Variants in DPP6 observed in about 807,000 individuals in gnomAD.
The protein encoded by DPP6 is A-type potassium channel modulatory protein DPP6.
In DPP6, 69 loss-of-function variants were observed where a neutral mutation model predicts 122.6. That is an observed-to-expected ratio of 0.56 (90% CI 0.46 to 0.69). The LOEUF is 0.69. Among genes scored for constraint, DPP6 ranks in the 30% least tolerant of loss-of-function variants. The pLI, the probability that DPP6 is intolerant of heterozygous loss-of-function variation, is 0.00. For synonymous variants in DPP6, 418 were observed against 433.1 expected, an observed-to-expected ratio of 0.97 and a Z score of 0.43; for missense variants, 928 against 1,116.9, an observed-to-expected ratio of 0.83 and a Z score of 2.41.
intron 1 of DPP6, among the ~76,000 whole-genome samples, chr7:154,232,697 G>A (rs563891870): frequency 6.6e-6 from 1 of 152,224 alleles, no homozygotes; most frequent in South Asian, 2.1e-4. Context: ...GTCCTGCCAG[G>A]CATTTAATGG....
chr7:154,516,992 A>C (rs1170714942), intron 3 of DPP6, among the ~76,000 whole-genome samples: 3 of 152,168 alleles, frequency 2.0e-5, no homozygotes, highest in Non-Finnish European at 4.4e-5. Flanking sequence ...TTATTTTGAA[A>C]TCCTCATTAT....
intron 1 of DPP6, among the ~76,000 whole-genome samples, chr7:154,429,377 C>A (rs986571364): frequency 2.6e-5 from 4 of 152,136 alleles, no homozygotes; most frequent in Non-Finnish European, 5.9e-5. Flanking sequence ...TCTGCCAAGT[C>A]CCAGCCTTTC....
chr7:153,837,677 G>GTAGTTTT, the DPP6 span, among the ~76,000 whole-genome samples: 272 of 151,822 alleles, frequency 1.8e-3, 2 homozygotes, highest in East Asian at 0.032. Flanking sequence ...CCAGATCTTT[G>GTAGTTTT]TAGTTTTTTC....
the DPP6 span, among the ~76,000 whole-genome samples, chr7:153,869,121 A>T: frequency 5.4e-4 from 79 of 145,524 alleles, no homozygotes; most frequent in South Asian, 2.9e-3. Context: ...AAAAGAATGT[A>T]TATTCTGTTG....
chr7:154,672,111 C>G (rs1165442976), intron 7 of DPP6, among the ~76,000 whole-genome samples: 1 of 152,102 alleles, frequency 6.6e-6, no homozygotes, highest in Non-Finnish European at 1.5e-5. Flanking sequence ...CCCCCATGCT[C>G]TTCTAGTGAT....
the DPP6 span, among the ~76,000 whole-genome samples, chr7:153,810,466 G>C: frequency 6.6e-6 from 1 of 152,222 alleles, no homozygotes; most frequent in Admixed American, 6.5e-5. Flanking sequence ...GATGACATTG[G>C]TGTAAGAGGC....
chr7:154,464,188 G>C (rs374215748), intron 2 of DPP6, among the ~76,000 whole-genome samples: 1 of 152,174 alleles, frequency 6.6e-6, no homozygotes, highest in African/African-American at 2.4e-5. Context: ...TGCTCCGTCC[G>C]TGGGAATTGA....
chr7:154,050,272 TA>T (rs776626059), upstream of DPP6, among the ~76,000 whole-genome samples: 4 of 152,210 alleles, frequency 2.6e-5, no homozygotes, highest in Non-Finnish European at 5.9e-5. Context: ...AGATTACAGT[TA>T]CCTACAATGC....
At chr7:153,836,491 A>G in the DPP6 span, among the ~76,000 whole-genome samples, 16 of 152,228 alleles carry the variant, frequency 1.1e-4, no homozygotes, top group African/African-American at 2.9e-4. Context: ...TCCATAAAGG[A>G]CATTATATAA....
At chr7:154,722,748 T>G (rs192711907) in intron 7 of DPP6, among the ~76,000 whole-genome samples, 52 of 152,132 alleles carry the variant, frequency 3.4e-4, no homozygotes, top group African/African-American at 1.2e-3. Flanking sequence ...GTAGGGAGGC[T>G]TCAAGTCCCT....
At chr7:154,216,035 T>C (rs1047625860) in intron 1 of DPP6, among the ~76,000 whole-genome samples, 1 of 152,130 alleles carries the variant, frequency 6.6e-6, no homozygotes, top group African/African-American at 2.4e-5. Flanking sequence ...TCTTTTTCCC[T>C]TCCTCTGCCA....
At position 154,486,558 on chromosome 7, in the gene DPP6, A is replaced by C. The variant is rs1823816090; in HGVS notation, c.457+11521A>C. Among the ~76,000 whole-genome samples the C allele has an allele frequency of 6.6e-6, 1 of 152,172 alleles. No individual in the cohort carries two copies. The highest frequency in any genetic ancestry group is 1.9e-4 in the East Asian group (1 of 5,194). On this transcript the variant is annotated intron_variant, in intron 3 of 25. Transcript: ENST00000377770. This position sits in a 1 kb window ranked among gnomAD's most constrained non-coding sequence, Gnocchi z 4.5. ...CTTCTCTGCTTCAGAAAGTCTCATT[A>C]ATCCTCATGGCTTGACCCAAAATAC...
the DPP6 span, among the ~76,000 whole-genome samples, chr7:153,819,192 G>A: frequency 7.7e-6 from 1 of 130,080 alleles, no homozygotes; most frequent in Non-Finnish European, 1.6e-5. Flanking sequence ...TATTACCCAG[G>A]TATGAAGCCT....
chr7:153,949,876 C>T (rs1240775781), intron 1 of DPP6, among the ~76,000 whole-genome samples: 1 of 152,182 alleles, frequency 6.6e-6, no homozygotes, highest in Non-Finnish European at 1.5e-5. Context: ...AAACTAAGCG[C>T]CCCTTGAAAG....
chr7:154,750,402 A>G (rs1022143407), intron 8 of DPP6, among the ~76,000 whole-genome samples: 2 of 152,218 alleles, frequency 1.3e-5, no homozygotes, highest in African/African-American at 4.8e-5. Flanking sequence ...CTCCGTAGCA[A>G]CCACATCCCA....
chr7:153,982,025 G>A (rs1796614889), intron 1 of DPP6, among the ~76,000 whole-genome samples: 1 of 152,080 alleles, frequency 6.6e-6, no homozygotes, highest in Non-Finnish European at 1.5e-5. Flanking sequence ...TGTATCTTGG[G>A]GTTGCCCTTC....
intron 8 of DPP6, among the ~76,000 whole-genome samples, chr7:154,767,337 C>G (rs1385497006): frequency 6.6e-6 from 1 of 152,114 alleles, no homozygotes; most frequent in Non-Finnish European, 1.5e-5. Context: ...AGCACAATCA[C>G]CCACAAATTG....
chr7:154,805,920 C>A (rs949884379), intron 15 of DPP6, among the ~76,000 whole-genome samples: 11 of 152,226 alleles, frequency 7.2e-5, no homozygotes, highest in Non-Finnish European at 1.6e-4. Context: ...TCAGGGGAGA[C>A]CTGAGGCTTG....
chr7:154,343,925 A>G (rs2151066199), intron 1 of DPP6, among the ~76,000 whole-genome samples: 1 of 152,318 alleles, frequency 6.6e-6, no homozygotes, highest in Non-Finnish European at 1.5e-5. Context: ...CGTGTTGGCC[A>G]GGCTGGTATC....
Sources: gnomAD v4.1 joint callset for allele counts (sites outside exome capture counted in the v4.1 genomes callset) on GRCh38, gnomAD v4.1.1 for gene constraint, Gnocchi (gnomAD v3.1) non-coding constraint, MANE v1.5 for transcripts, NCBI Gene and HGNC (gene_info 2026-07-23, HGNC 2026-07-21) for gene names.